The following KIF26B variants were observed in gnomAD, a reference collection of about 807,000 sequenced individuals.
KIF26B encodes kinesin family member 26B.
Under a neutral mutation model 151.2 loss-of-function variants are expected in KIF26B, and 63 were observed. That is an observed-to-expected ratio of 0.42 (90% CI 0.34 to 0.51). The LOEUF (loss-of-function observed/expected upper bound fraction) is 0.51. KIF26B is among the 20% of genes least tolerant of loss of function. The pLI is 0.07. For missense variants in KIF26B, 2,813 were observed against 2,913.6 expected (o/e 0.97, Z 0.79); for synonymous variants, 1,357 against 1,262.1 (o/e 1.08, Z -1.59).
At chr1:245,430,725 A>G (rs372591872) in intron 4 of KIF26B, among the ~76,000 whole-genome samples, 5 of 152,122 alleles carry the variant, frequency 3.3e-5, no homozygotes, top group East Asian at 3.9e-4. Context: ...TATGCCACAC[A>G]CTATTCTGAG....
At chr1:245,169,362 T>TGTGTGTGTGTGTGTGTGTGTGC (rs879260509) in intron 2 of KIF26B, among the ~76,000 whole-genome samples, 1 of 150,988 alleles carries the variant, frequency 6.6e-6, no homozygotes, top group African/African-American at 2.5e-5. Flanking sequence ...TGTGTGTGTG[T>TGTGTGTGTGTGTGTGTGTGTGC]GCGCGCAAGC....
At position 245,702,129 on chromosome 1, in the gene KIF26B, T is replaced by C. The variant is rs937480854; in HGVS notation, c.6179-329T>C. Among the ~76,000 whole-genome samples the C allele has an allele frequency of 7.3e-6, 1 of 137,476 alleles. No homozygotes were observed. Among genetic ancestry groups the C allele is most frequent in the Non-Finnish European group, 1.6e-5 (1 of 63,066 alleles). 90.2% of individuals were successfully genotyped at this position (137,476 alleles called of 152,430 possible). A position where few individuals can be genotyped will look rare whatever the true frequency, so the allele number is the denominator to read the frequency against. ...TTGAATTATTTACTTGATTGATTGA[T>C]AGTGAATAGTGTGGTAGCGTCTCTC... On this transcript the variant is annotated intron_variant, in intron 14 of 14. Coordinates refer to ENST00000407071, the MANE Select transcript of KIF26B (RefSeq NM_018012.4). This position sits in a 1 kb window ranked among gnomAD's most constrained non-coding sequence, Gnocchi z 4.1.
intron 2 of KIF26B, among the ~76,000 whole-genome samples, chr1:245,196,285 C>T (rs1383732179): frequency 1.3e-5 from 2 of 152,116 alleles, no homozygotes; most frequent in Non-Finnish European, 2.9e-5. Flanking sequence ...GGATGACAGC[C>T]CCTGTCTCTA....
chr1:245,689,997 G>A (rs1122735), intron 12 of KIF26B, among the ~76,000 whole-genome samples: 96,527 of 151,880 alleles, frequency 0.64, 32,055 homozygotes, highest in Non-Finnish European at 0.75. Flanking sequence ...AAGAGGACCC[G>A]GGTCAGAGCT....
In KIF26B at chr1:245,602,490, C is replaced by A; in HGVS notation, c.1351-87C>A. On this transcript the variant is annotated intron_variant, in intron 5 of 14. Transcript: ENST00000407071. This position sits in a 1 kb window ranked among gnomAD's most constrained non-coding sequence, Gnocchi z 4.5. ...TGAGAAAGTTCAGTGCTGCCATGTGCATGTATATCGCAGAGTATACAAGGG... is the reference window on the plus strand; with the variant it reads ...TGAGAAAGTTCAGTGCTGCCATGTGAATGTATATCGCAGAGTATACAAGGG... 1 of 980,122 alleles carries A rather than the reference C, an allele frequency of 1.0e-6. No homozygotes were observed. Among genetic ancestry groups the A allele is most frequent in the Non-Finnish European group, 1.6e-6 (1 of 634,698 alleles). The allele number at this position is 980,122 out of a possible 1,614,324, so 60.7% of individuals were successfully genotyped here.
chr1:245,156,263 C>T lies in KIF26B; in HGVS notation c.64-19C>T, dbSNP rs1296300943. 7.8e-6 allele frequency: 12 copies of T among 1,543,252 alleles called. No individual in the cohort carries two copies. The highest frequency in any genetic ancestry group is 9.6e-6 in the Non-Finnish European group (11 of 1,144,794). On this transcript the variant is annotated intron_variant, in intron 1 of 14. Transcript: ENST00000407071. ...CCCGCCGCCTTGCAGCCCCTGACAC[C>T]GGCGTGTCTTCCCCGCAGGTGAATG...
chr1:245,679,112 G>A (rs1180732475), intron 10 of KIF26B, among the ~76,000 whole-genome samples: 12 of 152,138 alleles, frequency 7.9e-5, no homozygotes, highest in South Asian at 4.1e-4. Context: ...AGCAGGTAGC[G>A]AGCATTTTTG....
intron 2 of KIF26B, among the ~76,000 whole-genome samples, chr1:245,242,064 T>C (rs1291843928): frequency 6.6e-6 from 1 of 152,224 alleles, no homozygotes; most frequent in Non-Finnish European, 1.5e-5. Context: ...CTGTTAGATT[T>C]AAAATAGCAT....
intron 2 of KIF26B, among the ~76,000 whole-genome samples, chr1:245,206,179 T>G (rs1004003437): frequency 3.9e-5 from 6 of 152,228 alleles, no homozygotes; most frequent in Admixed American, 6.5e-5. Context: ...CAGTAGTCCC[T>G]TCTTATTCTC....
rs143181328 is a variant in KIF26B at position 245,408,440 on chromosome 1, C to T, written c.1000-11139C>T. ...TGCGATCTCAGCTCACTGCAACCTC[C>T]GCCTCCTGGGTTCAAGCAATCCTCC... On this transcript the variant is annotated intron_variant, in intron 3 of 14. Transcript: ENST00000407071. Among the ~76,000 whole-genome samples, 86 of 150,456 alleles carry T rather than the reference C, an allele frequency of 5.7e-4. No homozygotes were observed. The East Asian group carries it at 6.7e-3, about 12-fold the overall frequency.
At chr1:245,619,324 A>G (rs1330333402) in intron 9 of KIF26B, among the ~76,000 whole-genome samples, 1 of 152,240 alleles carries the variant, frequency 6.6e-6, no homozygotes, top group African/African-American at 2.4e-5. Context: ...CTTTGTCCAA[A>G]TGAAATGTGT....
chr1:245,242,705 G>A (rs1670230293), intron 2 of KIF26B, among the ~76,000 whole-genome samples: 1 of 152,136 alleles, frequency 6.6e-6, no homozygotes, highest in African/African-American at 2.4e-5. Flanking sequence ...AGGCTGGAGT[G>A]GAGTGGCGTG....
At chr1:245,470,641 A>G (rs896341034) in intron 4 of KIF26B, among the ~76,000 whole-genome samples, 3 of 152,040 alleles carry the variant, frequency 2.0e-5, no homozygotes, top group Non-Finnish European at 4.4e-5. Context: ...CGAGTTAGCC[A>G]GGATGGTCTC....
intron 3 of KIF26B, among the ~76,000 whole-genome samples, chr1:245,374,292 G>A (rs933138921): frequency 2.0e-5 from 3 of 150,240 alleles, no homozygotes; most frequent in East Asian, 4.0e-4. Flanking sequence ...CCTGCAGGAG[G>A]AAGGTGAGGC....
chr1:245,333,933 G>A (rs778575198), intron 2 of KIF26B, among the ~76,000 whole-genome samples: 7 of 152,206 alleles, frequency 4.6e-5, no homozygotes, highest in Non-Finnish European at 7.4e-5. Context: ...GGGAGGCGGA[G>A]GTTGCAGTGA....
intron 2 of KIF26B, among the ~76,000 whole-genome samples, chr1:245,251,397 C>G (rs568784039): frequency 6.6e-6 from 1 of 152,146 alleles, no homozygotes; most frequent in Non-Finnish European, 1.5e-5. Context: ...TTTCAAATAT[C>G]TTCTCCTAAT....
rs371049250 is a variant in KIF26B, at chr1:245,684,299, C to T, written c.2325C>T (p.Ile775=). 1.9e-4 allele frequency: 301 copies of T among 1,613,976 alleles called. 4 individuals carry two copies. In the South Asian group the frequency reaches 2.8e-3, roughly 15 times the overall value. Residue 775 remains isoleucine, a synonymous_variant, in exon 11 of 15, where the codon ATC becomes ATT. Transcript: ENST00000407071. ...ACATGAACTGCCGTACCACCATGAT[C>T]GCGCACATCTCGGCCGCGGTCGGGA... ...LGNMNCRTTM[I]AHISAAVGSY...
chr1:245,268,874 C>G (rs1466353665), intron 2 of KIF26B, among the ~76,000 whole-genome samples: 1 of 152,138 alleles, frequency 6.6e-6, no homozygotes, highest in Non-Finnish European at 1.5e-5. Flanking sequence ...TGGGACAGTT[C>G]TGAGCAAACT....
intron 9 of KIF26B, among the ~76,000 whole-genome samples, chr1:245,640,235 A>G (rs2043879054): frequency 6.7e-6 from 1 of 149,712 alleles, no homozygotes; most frequent in Non-Finnish European, 1.5e-5. Flanking sequence ...GAATTATTAT[A>G]TAACAATTTC....
Sources: gnomAD v4.1 joint callset for allele counts (sites outside exome capture counted in the v4.1 genomes callset) on GRCh38, gnomAD v4.1.1 for gene constraint, Gnocchi (gnomAD v3.1) non-coding constraint, MANE v1.5 for transcripts, NCBI Gene and HGNC (gene_info 2026-07-23, HGNC 2026-07-21) for gene names.